TKFC: variants seen among roughly 807,000 people sequenced by gnomAD.
The protein encoded by TKFC is triokinase and FMN cyclase.
A neutral mutation model predicts 61.0 loss-of-function variants in TKFC; 46 were observed. The ratio of observed to expected loss-of-function variants is 0.75; its 90% confidence interval spans 0.60 to 0.96. TKFC has a LOEUF of 0.96. Among genes scored for constraint, TKFC ranks in the 50% least tolerant of loss-of-function variants. TKFC has a pLI of 0.00. For missense variants in TKFC, 715 were observed against 777.5 expected (o/e 0.92, Z 0.96); for synonymous variants, 314 against 330.1 (o/e 0.95, Z 0.53).
rs1565058025 is a variant in TKFC at position 61,345,484 on chromosome 11, C to CGGCT, written c.1372_1375dup (p.Ala459GlyfsTer58). On this transcript the variant is annotated frameshift_variant, in exon 15 of 18. Transcript: ENST00000394900. LOFTEE classifies it high-confidence loss of function. ...CAGCTCTATGGCCTGTTCCTGACTG[C>CGGCT]GGCTGCACAGCCCCTGAAGGCCAAG... is the stretch of plus-strand genomic sequence containing the variant. 6.2e-7 allele frequency: 1 copy of CGGCT among 1,613,328 alleles called. No homozygotes were observed. Among genetic ancestry groups the CGGCT allele is most frequent in the Admixed American group, 1.7e-5 (1 of 60,032 alleles).
chr11:61,352,091 A>C (rs1315029116), downstream of TKFC: 3 of 152,186 alleles, frequency 2.0e-5, no homozygotes, highest in Non-Finnish European at 4.4e-5. Context: ...AACTTGCCCA[A>C]AGTTGCATAA....
chr11:61,335,065 A>C (rs925861927), intron 2 of TKFC, among the ~76,000 whole-genome samples: 4 of 152,184 alleles, frequency 2.6e-5, no homozygotes, highest in Non-Finnish European at 4.4e-5. Flanking sequence ...AGGAATCGTG[A>C]AGAATGACCA....
At chr11:61,349,489 C>T (rs1329103119), downstream of TKFC, 5 of 697,884 alleles carry the variant, frequency 7.2e-6, no homozygotes, top group Non-Finnish European at 1.3e-5. Flanking sequence ...AGAGGAAGTC[C>T]ACAGCCACCT....
At chr11:61,341,976 C>T in intron 7 of TKFC, 64 bp downstream of exon 7, 1 of 1,488,824 alleles carries the variant, frequency 6.7e-7, no homozygotes, top group Non-Finnish European at 9.2e-7. Context: ...GCCCACCTTG[C>T]ATACCCTTAG....
downstream of TKFC, chr11:61,351,284 C>CTTT (rs909648792): frequency 2.3e-3 from 665 of 292,986 alleles, no homozygotes; most frequent in South Asian, 3.1e-3. Flanking sequence ...AACACCCTTT[C>CTTT]TTTTTTTTTT....
At chr11:61,345,970 C>A in intron 17 of TKFC, 24 bp downstream of exon 17, 2 of 1,609,752 alleles carry the variant, frequency 1.2e-6, no homozygotes, top group Non-Finnish European at 1.7e-6. Flanking sequence ...GGCCCAGCCA[C>A]CTGGGGAGAC....
chr11:61,351,106 G>A (rs774892568), downstream of TKFC: 27 of 1,613,626 alleles, frequency 1.7e-5, no homozygotes, highest in South Asian at 1.3e-4. Context: ...GGCAAAGACC[G>A]CCTCACTGGG....
At chr11:61,341,228 A>C (rs1434065693) in intron 5 of TKFC, among the ~76,000 whole-genome samples, 1 of 152,198 alleles carries the variant, frequency 6.6e-6, no homozygotes, top group Non-Finnish European at 1.5e-5. Context: ...TTCTGACTCC[A>C]ACAGACTGGA....
chr11:61,352,834 G>A (rs562129021), downstream of TKFC: 2 of 1,473,124 alleles, frequency 1.4e-6, no homozygotes, highest in East Asian at 2.4e-5. Flanking sequence ...TCAACCTAAA[G>A]AAAGATCAAT....
At position 61,338,103 on chromosome 11, in the gene TKFC, G is replaced by A. The variant is rs760423148; in HGVS notation, c.166G>A (p.Gly56Ser). The A allele has an allele frequency of 9.3e-6, 15 of 1,605,020 alleles. No individual in the cohort carries two copies. The highest frequency in any genetic ancestry group is 1.2e-5 in the Non-Finnish European group (14 of 1,178,226). Residue 56 changes from glycine to serine, a missense_variant, in exon 3 of 18, where the codon GGC becomes AGC. Coordinates refer to ENST00000394900, the MANE Select transcript of TKFC (RefSeq NM_015533.4). The stretch of plus-strand genomic sequence containing the variant: ...CCGGGTGGCACTGCTGTCGGGTGGG[G>A]GCTCTGGCCATGAGCCTGCCCATGC... ...KGRVALLSGGGSGHEPAHAGF... is the reference protein window; with the variant it reads ...KGRVALLSGGSSGHEPAHAGF...
chr11:61,335,718 G>GT, intron 2 of TKFC: 1 of 152,450 alleles, frequency 6.6e-6, no homozygotes, highest in East Asian at 1.9e-4. Flanking sequence ...GGGCAAAATA[G>GT]TTTAACTGTG....
chr11:61,339,249 C>T lies in TKFC; in HGVS notation c.305-5C>T, dbSNP rs763190395. On this transcript the variant is annotated splice_polypyrimidine_tract_variant and splice_region_variant and intron_variant, in intron 4 of 17. Coordinates refer to ENST00000394900, the MANE Select transcript of TKFC (RefSeq NM_015533.4). ...CACACTGAGCCCTTCCGGCTGCTCC[C>T]GCAGTGGGGACGCTCCTTATCGTGA... The T allele has an allele frequency of 8.7e-6, 14 of 1,612,240 alleles. No individual in the cohort carries two copies. Among genetic ancestry groups the T allele is most frequent in the Middle Eastern group, 1.7e-4 (1 of 6,056 alleles).
In TKFC at chr11:61,342,672, C is replaced by T. The variant is rs1279673686; in HGVS notation, c.775+14C>T. 7.4e-6 allele frequency: 12 copies of T among 1,613,872 alleles called. No homozygotes were observed. Among genetic ancestry groups the T allele is most frequent in the East Asian group, 2.2e-5 (1 of 44,890 alleles). On this transcript the variant is annotated intron_variant, in intron 9 of 17. Coordinates refer to ENST00000394900, the MANE Select transcript of TKFC (RefSeq NM_015533.4). ...CTGTGCAGCCCGGTGGGTAGCCTCT[C>T]GCCCGCGTCTCCCAACCCCTCCTAA... is the stretch of plus-strand genomic sequence containing the variant.
intron 13 of TKFC, among the ~76,000 whole-genome samples, chr11:61,344,740 C>T (rs1391587676): frequency 2.0e-5 from 3 of 152,240 alleles, no homozygotes; most frequent in African/African-American, 7.2e-5. Context: ...CAGTGAATAA[C>T]TTACAACTCA....
chr11:61,350,876 G>C (rs1857372627), downstream of TKFC: 1 of 1,425,114 alleles, frequency 7.0e-7, no homozygotes. Flanking sequence ...CAAGTTACTT[G>C]GTTTCCTGCT....
chr11:61,346,980 C>T lies in TKFC; in HGVS notation c.*477C>T, dbSNP rs1246200736. 1.0e-6 allele frequency: 1 copy of T among 987,224 alleles called. No homozygotes were observed. Among genetic ancestry groups the T allele is most frequent in the East Asian group, 1.1e-4 (1 of 8,862 alleles). The allele number at this position is 987,224 out of a possible 1,614,324, so 61.2% of individuals were successfully genotyped here. ...GCATGTAAACAAGGGGGCCCACAGC[C>T]CTGGCTGCAGGCATCATGACCCATC... On this transcript the variant is annotated 3_prime_UTR_variant, in exon 18 of 18. Transcript: ENST00000394900. The surrounding 1 kb of genome is among the most constrained non-coding windows in gnomAD (Gnocchi z 4.1).
rs746329690 is a variant in TKFC, at chr11:61,344,251, C to T, written c.1218C>T (p.Thr406=). 5.6e-6 allele frequency: 9 copies of T among 1,612,812 alleles called. No homozygotes were observed. The highest frequency in any genetic ancestry group is 4.0e-5 in the African/African-American group (3 of 74,880). ...CTGCTGGTGACGGCGACTGTGGCAC[C>T]ACCCACAGCCGTGCGGCCAGAGGTT... ...DRAAGDGDCG[T]THSRAARAIQ... Residue 406 remains threonine (T), a synonymous_variant, in exon 13 of 18, where the codon ACC becomes ACT. Coordinates refer to ENST00000394900, the MANE Select transcript of TKFC (RefSeq NM_015533.4).
chr11:61,341,921 G>T lies in TKFC; in HGVS notation c.655+9G>T. ...GGTGGAGCTGGGCCTGGGTAAGCTT[G>T]TGGCCATCCATCCCAGCCCTGCCTG... On this transcript the variant is annotated intron_variant, in intron 7 of 17. Coordinates refer to ENST00000394900, the MANE Select transcript of TKFC (RefSeq NM_015533.4). 1 of 1,609,874 alleles carries T rather than the reference G, an allele frequency of 6.2e-7. No homozygotes were observed.
chr11:61,334,236 G>C (rs78234984), intron 1 of TKFC: 1 of 159,002 alleles, frequency 6.3e-6, no homozygotes, highest in African/African-American at 2.4e-5. Flanking sequence ...AACCTGGCTA[G>C]CTCCCCCCAT....
Sources: allele counts gnomAD v4.1 joint callset (sites outside exome capture counted in the v4.1 genomes callset), GRCh38; gene constraint gnomAD v4.1.1; non-coding constraint Gnocchi (gnomAD v3.1); transcripts MANE v1.5; gene names NCBI Gene and HGNC (gene_info 2026-07-23, HGNC 2026-07-21).